CHRM3: variants seen among roughly 807,000 people sequenced by gnomAD.
CHRM3 encodes muscarinic acetylcholine receptor M3.
A neutral mutation model predicts 41.8 loss-of-function variants in CHRM3; 11 were observed. The observed-to-expected ratio is 0.26, with a 90% CI of 0.17 to 0.44. The LOEUF is 0.44. Among genes scored for constraint, CHRM3 ranks in the 20% least tolerant of loss-of-function variants. The pLI, the probability that CHRM3 is intolerant of heterozygous loss-of-function variation, is 1.00. For missense variants in CHRM3, 571 were observed against 745.4 expected, an observed-to-expected ratio of 0.77 and a Z score of 2.72; for synonymous variants, 297 against 301.4, an observed-to-expected ratio of 0.99 and a Z score of 0.15.
chr1:239,835,990 C>A (rs1443930199), intron 6 of CHRM3, among the ~76,000 whole-genome samples: 11 of 152,222 alleles, frequency 7.2e-5, no homozygotes, highest in Non-Finnish European at 1.3e-4. Context: ...GATGGAGATA[C>A]ATTCGTAGAG....
chr1:239,557,397 G>C (rs1660463584), intron 3 of CHRM3, among the ~76,000 whole-genome samples: 1 of 152,096 alleles, frequency 6.6e-6, no homozygotes, highest in African/African-American at 2.4e-5. Flanking sequence ...TGGCATTGGA[G>C]ACTACTCTAA....
At chr1:239,650,561 A>G (rs1376035564) in intron 4 of CHRM3, among the ~76,000 whole-genome samples, 1 of 152,218 alleles carries the variant, frequency 6.6e-6, no homozygotes, top group Non-Finnish European at 1.5e-5. Flanking sequence ...GTGATGTGTG[A>G]TTTGGAGACA....
chr1:239,782,717 A>G (rs895835329), intron 5 of CHRM3, among the ~76,000 whole-genome samples: 1 of 152,082 alleles, frequency 6.6e-6, no homozygotes, highest in African/African-American at 2.4e-5. Flanking sequence ...TATGGATTTT[A>G]AGATCTTTCT....
At chr1:239,830,115 G>A (rs964389513) in intron 6 of CHRM3, among the ~76,000 whole-genome samples, 1 of 152,054 alleles carries the variant, frequency 6.6e-6, no homozygotes. Flanking sequence ...TTTCAAATCT[G>A]AAAGAACTCA....
chr1:239,797,339 CT>C (rs991785693), intron 5 of CHRM3, among the ~76,000 whole-genome samples: 4 of 151,676 alleles, frequency 2.6e-5, no homozygotes, highest in Non-Finnish European at 5.9e-5. Flanking sequence ...ACATGTACCC[CT>C]GACTCTAAAA....
At chr1:239,708,446 C>T (rs1243710144) in intron 5 of CHRM3, among the ~76,000 whole-genome samples, 1 of 152,142 alleles carries the variant, frequency 6.6e-6, no homozygotes, top group African/African-American at 2.4e-5. Context: ...TTCCAAAATT[C>T]ACTCTCTACT....
Position 239,538,265 on chromosome 1 carries a change from C to T in CHRM3, c.-421-7376C>T, listed in dbSNP as rs954052071. 2.6e-5 allele frequency among the ~76,000 whole-genome samples: 4 copies of T among 152,224 alleles called. No individual in the cohort carries two copies. The East Asian group carries it at 7.7e-4, about 29-fold the overall frequency. ...ATTATAAAGTGTGATGAGAGTCTCT[C>T]TGAAATGTATTATTTTCCTTTCCTT... On this transcript the variant is annotated intron_variant, in intron 2 of 6. Coordinates refer to ENST00000676153, the MANE Select transcript of CHRM3 (RefSeq NM_001375978.1).
Position 239,435,302 on chromosome 1 carries a change from C to T in CHRM3, c.-521+48075C>T, listed in dbSNP as rs530376006. Among the ~76,000 whole-genome samples the T allele has an allele frequency of 2.3e-4, 35 of 151,824 alleles. 1 individual carries two copies. The highest frequency in any genetic ancestry group is 7.0e-4 in the African/African-American group (29 of 41,468). ...CCGTCTCTACTAAAAATACAAAAAT[C>T]AGCCGGGTGTGGTGGCGGGTGCCTG... is the stretch of plus-strand genomic sequence containing the variant. On this transcript the variant is annotated intron_variant, in intron 1 of 6. Transcript: ENST00000676153.
chr1:239,814,348 C>G (rs1165513987), intron 5 of CHRM3, among the ~76,000 whole-genome samples: 1 of 152,104 alleles, frequency 6.6e-6, no homozygotes, highest in Non-Finnish European at 1.5e-5. Flanking sequence ...GCCTCCTCTC[C>G]TTACAGTGTT....
intron 2 of CHRM3, among the ~76,000 whole-genome samples, chr1:239,495,759 C>T (rs1667837902): frequency 6.6e-6 from 1 of 152,116 alleles, no homozygotes; most frequent in Non-Finnish European, 1.5e-5. Flanking sequence ...TATAAAGTTT[C>T]CAGCGTTTAG....
At chr1:239,696,174 CATT>C (rs1660167786) in intron 5 of CHRM3, among the ~76,000 whole-genome samples, 2 of 152,124 alleles carry the variant, frequency 1.3e-5, no homozygotes, top group Admixed American at 6.5e-5. Context: ...GTTTCTGCAT[CATT>C]AAGATGGAAA....
intron 1 of CHRM3, among the ~76,000 whole-genome samples, chr1:239,397,766 T>A (rs1659621236): frequency 6.8e-6 from 1 of 148,024 alleles, no homozygotes; most frequent in Non-Finnish European, 1.5e-5. Context: ...TTTCTATATA[T>A]ATATAGAAAA....
intron 5 of CHRM3, among the ~76,000 whole-genome samples, chr1:239,766,047 C>A (rs972399490): frequency 6.6e-6 from 1 of 152,128 alleles, no homozygotes; most frequent in African/African-American, 2.4e-5. Context: ...CTCCTGACAT[C>A]AGGTGATCCA....
intron 4 of CHRM3, among the ~76,000 whole-genome samples, chr1:239,653,379 T>C (rs1672415899): frequency 6.6e-6 from 1 of 152,084 alleles, no homozygotes. Context: ...ATAAACCGAC[T>C]TAGCAGGAAT....
chr1:239,685,698 C>T (rs760788937), intron 5 of CHRM3, among the ~76,000 whole-genome samples: 2 of 151,942 alleles, frequency 1.3e-5, no homozygotes, highest in Admixed American at 6.6e-5. Flanking sequence ...GGTGTGTGCT[C>T]ATAGTCCCAG....
intron 1 of CHRM3, among the ~76,000 whole-genome samples, chr1:239,445,908 A>T (rs1377001351): frequency 4.0e-5 from 6 of 151,810 alleles, no homozygotes; most frequent in African/African-American, 1.5e-4. Flanking sequence ...TTAAGAAGAG[A>T]TTGAATGAAT....
At chr1:239,873,158 T>A (rs971024988) in intron 6 of CHRM3, among the ~76,000 whole-genome samples, 3 of 152,112 alleles carry the variant, frequency 2.0e-5, no homozygotes, top group African/African-American at 7.2e-5. Flanking sequence ...GTACTGTGTC[T>A]ATCTGAACAC....
intron 4 of CHRM3, among the ~76,000 whole-genome samples, chr1:239,642,884 A>G (rs564251344): frequency 1.3e-5 from 2 of 151,950 alleles, no homozygotes; most frequent in South Asian, 2.1e-4. Context: ...TTTTTTCCCC[A>G]TCTTTGTGGT....
chr1:239,479,583 G>A (rs555048797), intron 1 of CHRM3, among the ~76,000 whole-genome samples: 1 of 152,248 alleles, frequency 6.6e-6, no homozygotes, highest in South Asian at 2.1e-4. Context: ...AGCATAGAGT[G>A]CACTTACACA....
Sources: gnomAD v4.1 joint callset for allele counts (sites outside exome capture counted in the v4.1 genomes callset) on GRCh38, gnomAD v4.1.1 for gene constraint, MANE v1.5 for transcripts, NCBI Gene and HGNC (gene_info 2026-07-23, HGNC 2026-07-21) for gene names.